Variants in ENTREP1 observed in about 807,000 individuals in gnomAD.
ENTREP1 encodes Friedreich ataxia region gene X123.
the ENTREP1 span, among the ~76,000 whole-genome samples, chr9:69,334,613 T>C: frequency 6.6e-6 from 1 of 152,198 alleles, no homozygotes. Context: ...ACACACTTTA[T>C]TTTACAAAGC....
the ENTREP1 span, among the ~76,000 whole-genome samples, chr9:69,358,601 A>G: frequency 0.047 from 7,178 of 152,252 alleles, 573 homozygotes; most frequent in African/African-American, 0.16. Flanking sequence ...TTCTTGGGGA[A>G]TTAAAAGACA....
the ENTREP1 span, chr9:69,377,314 G>A: frequency 4.0e-6 from 4 of 988,518 alleles, no homozygotes; most frequent in Non-Finnish European, 4.9e-6. Context: ...TTTCTACATT[G>A]TATTCTGGTG....
chr9:69,389,754 A>G, the ENTREP1 span, among the ~76,000 whole-genome samples: 1 of 152,242 alleles, frequency 6.6e-6, no homozygotes, highest in African/African-American at 2.4e-5. Flanking sequence ...GACCTTCTGC[A>G]AAGTCTTGCT....
the ENTREP1 span, among the ~76,000 whole-genome samples, chr9:69,341,136 C>T: frequency 1.3e-5 from 2 of 152,072 alleles, no homozygotes; most frequent in Non-Finnish European, 2.9e-5. Flanking sequence ...CCAGCTAGCT[C>T]TATGCCTGTA....
chr9:69,387,997 T>G, the ENTREP1 span: 2 of 1,550,868 alleles, frequency 1.3e-6, no homozygotes, highest in South Asian at 2.4e-5. Flanking sequence ...TAACCTTGTG[T>G]TGTTTTCCCT....
At chr9:69,364,951 A>G in the ENTREP1 span, among the ~76,000 whole-genome samples, 1 of 152,146 alleles carries the variant, frequency 6.6e-6, no homozygotes, top group East Asian at 1.9e-4. Context: ...AGGGAAATGA[A>G]GCCTACCAGG....
the ENTREP1 span, among the ~76,000 whole-genome samples, chr9:69,348,320 A>G: frequency 2.0e-5 from 3 of 152,122 alleles, no homozygotes; most frequent in East Asian, 1.9e-4. Flanking sequence ...GGGTTTCACC[A>G]TGTTGCCCAG....
the ENTREP1 span, among the ~76,000 whole-genome samples, chr9:69,344,863 G>T: frequency 6.6e-6 from 1 of 152,156 alleles, no homozygotes; most frequent in African/African-American, 2.4e-5. Context: ...CTGGGTTCCT[G>T]AGCCTCGTTC....
chr9:69,325,478 C>A, the ENTREP1 span: 18 of 938,200 alleles, frequency 1.9e-5, no homozygotes, highest in Admixed American at 3.8e-4. Context: ...GTCGCGGCCT[C>A]GCTGCGCGGC....
At chr9:69,341,185 AT>A in the ENTREP1 span, among the ~76,000 whole-genome samples, 207 of 151,278 alleles carry the variant, frequency 1.4e-3, 1 homozygote, top group African/African-American at 3.7e-3. Flanking sequence ...GAGTTTTGTT[AT>A]TTTTTTTTCT....
At chr9:69,387,922 T>C in the ENTREP1 span, 1 of 1,466,016 alleles carries the variant, frequency 6.8e-7, no homozygotes, top group Non-Finnish European at 9.1e-7. Flanking sequence ...ACCTTGGGGG[T>C]GGTGTCGTAC....
chr9:69,353,915 TGA>T, the ENTREP1 span, among the ~76,000 whole-genome samples: 2 of 152,152 alleles, frequency 1.3e-5, no homozygotes, highest in Non-Finnish European at 2.9e-5. Context: ...ACCCCGAAGT[TGA>T]GAGAAATACA....
At chr9:69,359,158 A>G in the ENTREP1 span, among the ~76,000 whole-genome samples, 1 of 152,082 alleles carries the variant, frequency 6.6e-6, no homozygotes, top group Non-Finnish European at 1.5e-5. Flanking sequence ...CGCCCGCCTC[A>G]GCCTCCTAAA....
At chr9:69,390,946 ATTTTT>A in the ENTREP1 span, among the ~76,000 whole-genome samples, 6 of 133,612 alleles carry the variant, frequency 4.5e-5, no homozygotes, top group African/African-American at 5.6e-5. Flanking sequence ...CAGCTAATTA[ATTTTT>A]TTTTTTTTTT....
chr9:69,385,763 C>CATT, the ENTREP1 span: 4 of 1,243,848 alleles, frequency 3.2e-6, no homozygotes, highest in Non-Finnish European at 4.1e-6. Context: ...TGTTTCGCCT[C>CATT]TTTTTTTTTT....
At chr9:69,346,076 G>A in the ENTREP1 span, among the ~76,000 whole-genome samples, 12 of 151,836 alleles carry the variant, frequency 7.9e-5, no homozygotes, top group African/African-American at 2.9e-4. Flanking sequence ...TCTGCCTCCC[G>A]GGTTCAAGCG....
the ENTREP1 span, among the ~76,000 whole-genome samples, chr9:69,345,663 C>T: frequency 6.6e-6 from 1 of 152,198 alleles, no homozygotes; most frequent in African/African-American, 2.4e-5. Flanking sequence ...AATGCAGCGG[C>T]ACAATCTTGG....
the ENTREP1 span, chr9:69,329,763 G>C: frequency 7.3e-6 from 4 of 549,432 alleles, no homozygotes; most frequent in Middle Eastern, 8.8e-4. Context: ...TCTCGGTTTG[G>C]GGGGTGCGTT....
chr9:69,391,990 G>A, the ENTREP1 span: 20 of 616,942 alleles, frequency 3.2e-5, no homozygotes, highest in Admixed American at 1.7e-4. Context: ...GTCCAGGCCC[G>A]TCTGGGTTTG....
Sources: allele counts gnomAD v4.1 joint callset (sites outside exome capture counted in the v4.1 genomes callset), GRCh38; gene constraint gnomAD v4.1.1; transcripts MANE v1.5; gene names NCBI Gene and HGNC (gene_info 2026-07-23, HGNC 2026-07-21).